ANKRD13C: variants seen among roughly 807,000 people sequenced by gnomAD.
The protein encoded by ANKRD13C is ankyrin repeat domain-containing protein 13C.
A neutral mutation model predicts 65.5 loss-of-function variants in ANKRD13C; 16 were observed. That is an observed-to-expected ratio of 0.24 (90% CI 0.17 to 0.37). ANKRD13C has a LOEUF of 0.37. ANKRD13C is among the 10% of genes least tolerant of loss of function. ANKRD13C has a pLI of 1.00. For missense variants in ANKRD13C, 503 were observed against 655.9 expected (o/e 0.77, Z 2.55); for synonymous variants, 235 against 238.7 (o/e 0.98, Z 0.14).
At chr1:70,318,100 C>T (rs1435872642) in intron 3 of ANKRD13C, among the ~76,000 whole-genome samples, 2 of 152,038 alleles carry the variant, frequency 1.3e-5, no homozygotes, top group African/African-American at 4.8e-5. Flanking sequence ...TTGAAAAATA[C>T]CATAAACTCA....
chr1:70,259,333 G>A lies in ANKRD13C; in HGVS notation c.*3384C>T, dbSNP rs571051912. Among the ~76,000 whole-genome samples, 2 of 152,238 alleles carry A rather than the reference G, an allele frequency of 1.3e-5. No homozygotes were observed. Among genetic ancestry groups the A allele is most frequent in the East Asian group, 3.9e-4 (2 of 5,182 alleles). The stretch of plus-strand genomic sequence containing the variant: ...GATGAAAACCAAGAATGATTAACAA[G>A]CACCTTTCTTAGAAGTTCTTAAGAT... On this transcript the variant is annotated 3_prime_UTR_variant, in exon 13 of 13. Coordinates refer to ENST00000370944, the MANE Select transcript of ANKRD13C (RefSeq NM_030816.5).
intron 10 of ANKRD13C, 30 bp downstream of exon 10, chr1:70,276,735 A>G: frequency 6.6e-7 from 1 of 1,509,942 alleles, no homozygotes; most frequent in Non-Finnish European, 9.0e-7. Context: ...TCTAAAAACC[A>G]AATAACACAT....
intron 1 of ANKRD13C, among the ~76,000 whole-genome samples, chr1:70,353,544 A>G (rs1343025080): frequency 6.6e-6 from 1 of 152,204 alleles, no homozygotes; most frequent in Non-Finnish European, 1.5e-5. Context: ...GTTGCAGTCA[A>G]GATGGGATCT....
intron 9 of ANKRD13C, among the ~76,000 whole-genome samples, chr1:70,289,717 C>T (rs551685992): frequency 6.6e-6 from 1 of 151,588 alleles, no homozygotes; most frequent in East Asian, 1.9e-4. Context: ...ACCTCGTGAT[C>T]CACCCACCTC....
At chr1:70,346,761 C>G (rs1195751691) in intron 1 of ANKRD13C, among the ~76,000 whole-genome samples, 1 of 152,154 alleles carries the variant, frequency 6.6e-6, no homozygotes, top group Admixed American at 6.5e-5. Flanking sequence ...TATACTGACC[C>G]TTGCCTCACA....
At chr1:70,267,493 C>A (rs779839209) in intron 12 of ANKRD13C, among the ~76,000 whole-genome samples, 42 of 152,140 alleles carry the variant, frequency 2.8e-4, no homozygotes, top group Non-Finnish European at 7.4e-5. Context: ...CCCACCTCAG[C>A]CTCCCAAGTA....
At chr1:70,290,743 AG>A (rs1679829036) in intron 9 of ANKRD13C, among the ~76,000 whole-genome samples, 1 of 151,848 alleles carries the variant, frequency 6.6e-6, no homozygotes, top group South Asian at 2.1e-4. Flanking sequence ...TTTTTAGTAG[AG>A]GCAGGGTCTT....
At chr1:70,290,434 G>A (rs1679812019) in intron 9 of ANKRD13C, among the ~76,000 whole-genome samples, 4 of 151,852 alleles carry the variant, frequency 2.6e-5, no homozygotes, top group African/African-American at 7.3e-5. Context: ...ATTACAATCC[G>A]GCACTCACAC....
intron 1 of ANKRD13C, among the ~76,000 whole-genome samples, chr1:70,340,345 C>T (rs1318784339): frequency 1.3e-5 from 2 of 151,934 alleles, no homozygotes; most frequent in East Asian, 3.9e-4. Context: ...AGCCTTTTTC[C>T]TAATATATCT....
At chr1:70,308,458 C>T (rs1680684020) in intron 5 of ANKRD13C, among the ~76,000 whole-genome samples, 1 of 151,474 alleles carries the variant, frequency 6.6e-6, no homozygotes, top group Non-Finnish European at 1.5e-5. Context: ...AAGAAAAGGG[C>T]AAGGCGCGGT....
chr1:70,325,377 CAA>C (rs1004271717), intron 2 of ANKRD13C, among the ~76,000 whole-genome samples: 6 of 151,992 alleles, frequency 3.9e-5, no homozygotes, highest in Non-Finnish European at 5.9e-5. Context: ...ATTTCAGAAA[CAA>C]AAGTGCTTTC....
chr1:70,307,200 T>G (rs2101406351), intron 5 of ANKRD13C, among the ~76,000 whole-genome samples: 1 of 152,314 alleles, frequency 6.6e-6, no homozygotes, highest in South Asian at 2.1e-4. Context: ...CTTAGTTAAC[T>G]TTTTCAAAAG....
At position 70,292,473 on chromosome 1, in the gene ANKRD13C, T is replaced by C; in HGVS notation, c.1130A>G (p.His377Arg). 1 of 1,610,472 alleles carries C rather than the reference T, an allele frequency of 6.2e-7. No individual in the cohort carries two copies. The change falls in exon 9 of 13, where the codon CAT becomes CGT. Residue 377 changes from histidine to arginine, a missense_variant. Physicochemically the swap from His to Arg is conservative, Grantham distance 29 (BLOSUM62 0). Coordinates refer to ENST00000370944, the MANE Select transcript of ANKRD13C (RefSeq NM_030816.5). The stretch of plus-strand genomic sequence containing the variant: ...TCGAAGAATATCCTCTTCACTGAGA[T>C]GTTCTCTTCTTTTCCTTGATTCTAA... ...LVLESRKRRE[H>R]LSEEDILRNK...
At position 70,262,846 on chromosome 1, in the gene ANKRD13C, A is replaced by G. The variant is rs1678441983; in HGVS notation, c.1497T>C (p.Asp499=). ...KLPPGFPVKL[D]IPVFPTITAT... ...CTGTGATTGTGGGAAACACAGGTAT[A>G]TCTACAGAGAGAACATCAATGATAG... The change falls in exon 13 of 13, where the codon GAT becomes GAC. Residue 499 remains aspartate (D), a splice_region_variant and synonymous_variant. Transcript: ENST00000370944. The G allele has an allele frequency of 6.2e-7, 1 of 1,611,324 alleles. No individual in the cohort carries two copies. Among genetic ancestry groups the G allele is most frequent in the Non-Finnish European group, 8.5e-7 (1 of 1,177,828 alleles).
At chr1:70,275,306 A>G (rs1679080876) in intron 10 of ANKRD13C, among the ~76,000 whole-genome samples, 1 of 152,230 alleles carries the variant, frequency 6.6e-6, no homozygotes, top group South Asian at 2.1e-4. Flanking sequence ...ACTCTAGCAC[A>G]GGACAATACC....
chr1:70,343,259 G>C (rs991067277), intron 1 of ANKRD13C, among the ~76,000 whole-genome samples: 2 of 152,084 alleles, frequency 1.3e-5, no homozygotes, highest in Admixed American at 6.6e-5. Flanking sequence ...CGATCACCTG[G>C]CTAACAGTGA....
chr1:70,264,136 T>C (rs1678503553), intron 12 of ANKRD13C, among the ~76,000 whole-genome samples: 1 of 152,108 alleles, frequency 6.6e-6, no homozygotes, highest in African/African-American at 2.4e-5. Flanking sequence ...AAGAAAGTAT[T>C]TTACATTTTT....
chr1:70,271,292 G>A (rs537089894), intron 11 of ANKRD13C, among the ~76,000 whole-genome samples: 11 of 152,126 alleles, frequency 7.2e-5, no homozygotes, highest in South Asian at 2.1e-4. Flanking sequence ...TTGATTTCCT[G>A]CATATTTGAT....
chr1:70,310,333 T>C (rs1680796867), intron 5 of ANKRD13C, among the ~76,000 whole-genome samples: 1 of 152,232 alleles, frequency 6.6e-6, no homozygotes, highest in African/African-American at 2.4e-5. Flanking sequence ...TAATTAAAGT[T>C]TGATCATAAA....
Sources: gnomAD v4.1 joint callset for allele counts (sites outside exome capture counted in the v4.1 genomes callset) on GRCh38, gnomAD v4.1.1 for gene constraint, MANE v1.5 for transcripts, NCBI Gene and HGNC (gene_info 2026-07-23, HGNC 2026-07-21) for gene names.